The following ZNF618 variants were observed in gnomAD, a reference collection of about 807,000 sequenced individuals.
The protein encoded by ZNF618 is zinc finger protein 618.
In ZNF618, 34 loss-of-function variants were observed where a neutral mutation model predicts 103.0. That is an observed-to-expected ratio of 0.33 (90% CI 0.25 to 0.44). ZNF618 has a LOEUF of 0.44. Among genes scored for constraint, ZNF618 ranks in the 20% least tolerant of loss-of-function variants. The probability of loss-of-function intolerance (pLI) is 1.00; values close to 1 mark genes in which losing one functional copy is unlikely to be tolerated. For synonymous variants in ZNF618, 551 were observed against 542.2 expected (o/e 1.02, Z -0.23); for missense variants, 1,059 against 1,295.4 (o/e 0.82, Z 2.80).
intron 10 of ZNF618, among the ~76,000 whole-genome samples, chr9:114,021,756 A>C (rs1292338784): frequency 6.6e-6 from 1 of 152,082 alleles, no homozygotes; most frequent in Non-Finnish European, 1.5e-5. Flanking sequence ...CGAGGCAAAC[A>C]CTAATCTGCT....
intron 4 of ZNF618, among the ~76,000 whole-genome samples, chr9:114,001,778 T>TG (rs927984893): frequency 8.5e-5 from 13 of 152,156 alleles, no homozygotes; most frequent in South Asian, 8.3e-4. Flanking sequence ...GGCCCAGAGA[T>TG]GGGGGGGTGC....
At chr9:114,041,123 T>C (rs1428449223) in intron 13 of ZNF618, among the ~76,000 whole-genome samples, 1 of 152,256 alleles carries the variant, frequency 6.6e-6, no homozygotes, top group Admixed American at 6.5e-5. Context: ...GTTGCATAAA[T>C]GTCTTCTTTT....
In ZNF618 at chr9:114,032,694, T is replaced by C; in HGVS notation, c.1134T>C (p.Phe378=). The change falls in exon 12 of 15, where the codon TTT becomes TTC. Residue 378 remains phenylalanine, a synonymous_variant. Transcript: ENST00000374126. ...TAGAAGGCAAAGCACAAAACCACTT[T>C]GAAGAGACGAACAGCAGTTCGCAGA... ...RRVEGKAQNH[F]EETNSSSQNS... The C allele has an allele frequency of 6.2e-7, 1 of 1,614,008 alleles. No homozygotes were observed. The highest frequency in any genetic ancestry group is 1.1e-5 in the South Asian group (1 of 91,084).
intron 1 of ZNF618, among the ~76,000 whole-genome samples, chr9:113,960,115 T>TA (rs1836707211): frequency 6.6e-6 from 1 of 152,360 alleles, no homozygotes; most frequent in Non-Finnish European, 1.5e-5. Context: ...GAGCAACTAA[T>TA]ATGTGCCGGC....
chr9:113,988,299 A>G, intron 2 of ZNF618, 22 bp from the exon 3 acceptor site: 3 of 1,602,252 alleles, frequency 1.9e-6, no homozygotes, highest in Non-Finnish European at 2.6e-6. Flanking sequence ...GAAGGTATTG[A>G]ACGGAGTTTC....
chr9:113,946,592 A>C (rs1192084453), intron 1 of ZNF618, among the ~76,000 whole-genome samples: 1 of 152,136 alleles, frequency 6.6e-6, no homozygotes, highest in Non-Finnish European at 1.5e-5. Context: ...GCCCTGACCC[A>C]GCGTGTAATT....
intron 1 of ZNF618, among the ~76,000 whole-genome samples, chr9:113,923,142 C>T (rs1015207147): frequency 6.6e-6 from 1 of 152,134 alleles, no homozygotes; most frequent in African/African-American, 2.4e-5. Flanking sequence ...CTCTAGTATC[C>T]TGCAAGCTTC....
intron 12 of ZNF618, among the ~76,000 whole-genome samples, chr9:114,035,608 T>C (rs995974032): frequency 8.4e-5 from 7 of 83,698 alleles, no homozygotes; most frequent in Admixed American, 7.1e-4. Flanking sequence ...CTCTTCCTTC[T>C]GTCCTTCTCC....
At chr9:114,017,869 T>C (rs1250652861) in intron 10 of ZNF618, among the ~76,000 whole-genome samples, 1 of 152,046 alleles carries the variant, frequency 6.6e-6, no homozygotes, top group Non-Finnish European at 1.5e-5. Context: ...GAGGGTGGTG[T>C]AGGTAGCTTC....
intron 13 of ZNF618, among the ~76,000 whole-genome samples, chr9:114,043,551 A>G (rs1277164152): frequency 6.6e-6 from 1 of 152,188 alleles, no homozygotes; most frequent in Non-Finnish European, 1.5e-5. Flanking sequence ...ATTTCTCCAA[A>G]GAAAGATATA....
intron 1 of ZNF618, among the ~76,000 whole-genome samples, chr9:113,964,907 C>G (rs1252956039): frequency 1.3e-5 from 2 of 150,036 alleles, no homozygotes; most frequent in African/African-American, 4.9e-5. Flanking sequence ...CTTTTTCCCT[C>G]AGGAAAATTG....
chr9:114,026,626 T>G (rs1156289948), intron 10 of ZNF618, among the ~76,000 whole-genome samples: 1 of 152,242 alleles, frequency 6.6e-6, no homozygotes, highest in Non-Finnish European at 1.5e-5. Flanking sequence ...CCGGCAGACT[T>G]GAGCCCTGTC....
intron 9 of ZNF618, among the ~76,000 whole-genome samples, chr9:114,012,957 C>T (rs1039581102): frequency 5.3e-5 from 8 of 151,430 alleles, no homozygotes; most frequent in Non-Finnish European, 1.2e-4. Flanking sequence ...AGACCTGTAC[C>T]TACATAGATC....
intron 2 of ZNF618, among the ~76,000 whole-genome samples, chr9:113,976,833 GAACT>G (rs1054123880): frequency 2.0e-5 from 3 of 152,200 alleles, no homozygotes; most frequent in African/African-American, 4.8e-5. Context: ...TAGGAGAAAA[GAACT>G]AACTAATATG....
At chr9:114,016,603 G>T (rs1197559888) in intron 9 of ZNF618, 92 bp from the exon 10 acceptor site, 5 of 885,340 alleles carry the variant, frequency 5.6e-6, no homozygotes, top group African/African-American at 5.0e-5. Flanking sequence ...GTCCCAGAAT[G>T]GGGAGGAGTT....
intron 2 of ZNF618, among the ~76,000 whole-genome samples, chr9:113,987,147 A>G (rs934122988): frequency 1.8e-4 from 27 of 152,148 alleles, no homozygotes; most frequent in Admixed American, 5.9e-4. Flanking sequence ...TCGATTTCCC[A>G]GTATGTGCAA....
At chr9:114,033,242 T>A (rs1844256723) in intron 12 of ZNF618, among the ~76,000 whole-genome samples, 1 of 152,114 alleles carries the variant, frequency 6.6e-6, no homozygotes, top group African/African-American at 2.4e-5. Context: ...AAATCCCATC[T>A]CTACTAAAAA....
In ZNF618 at chr9:114,049,695, T is replaced by C; in HGVS notation, c.2393T>C (p.Val798Ala). The change falls in exon 15 of 15, where the codon GTG (valine) becomes GCG (alanine). Residue 798 changes from valine to alanine, a missense_variant. Coordinates refer to ENST00000374126, the MANE Select transcript of ZNF618 (RefSeq NM_001318042.2). ...FLEALKENFK[V>A]HPAHKVAMIL... ...GAGGCGCTCAAGGAGAACTTCAAGG[T>C]GCACCCGGCCCACAAGGTGGCCATG... is the stretch of plus-strand genomic sequence containing the variant. 3 of 1,613,786 alleles carry C rather than the reference T, an allele frequency of 1.9e-6. No individual in the cohort carries two copies. Among genetic ancestry groups the C allele is most frequent in the Non-Finnish European group, 2.5e-6 (3 of 1,179,884 alleles).
chr9:113,943,304 C>T (rs1006148698), intron 1 of ZNF618, among the ~76,000 whole-genome samples: 19 of 152,116 alleles, frequency 1.2e-4, no homozygotes, highest in Non-Finnish European at 1.9e-4. Flanking sequence ...GGAAAGCTTG[C>T]GGCTGGGAGA....
Sources: allele counts gnomAD v4.1 joint callset (sites outside exome capture counted in the v4.1 genomes callset), GRCh38; gene constraint gnomAD v4.1.1; transcripts MANE v1.5; gene names NCBI Gene and HGNC (gene_info 2026-07-23, HGNC 2026-07-21).